SYTL3: variants seen among roughly 807,000 people sequenced by gnomAD.
The protein encoded by SYTL3 is synaptotagmin like 3, also known as synaptotagmin-like protein 3.
Under a neutral mutation model 82.1 loss-of-function variants are expected in SYTL3, and 88 were observed. That is an observed-to-expected ratio of 1.07 (90% CI 0.90 to 1.28). The LOEUF is 1.28. Ranked by LOEUF, SYTL3 falls within the 50% of genes most tolerant of loss-of-function variation. The pLI, the probability that SYTL3 is intolerant of heterozygous loss-of-function variation, is 0.00. For missense variants in SYTL3, 831 were observed against 757.6 expected, an observed-to-expected ratio of 1.10 and a Z score of -1.14; for synonymous variants, 311 against 289.4, an observed-to-expected ratio of 1.07 and a Z score of -0.76.
At chr6:158,723,729 T>C (rs888306450) in intron 10 of SYTL3, among the ~76,000 whole-genome samples, 6 of 152,234 alleles carry the variant, frequency 3.9e-5, no homozygotes, top group Non-Finnish European at 8.8e-5. Context: ...TTTCTTTAAC[T>C]GCAGGTAAGC....
chr6:158,651,389 G>A (rs148781109), intron 1 of SYTL3, among the ~76,000 whole-genome samples: 2,815 of 152,110 alleles, frequency 0.019, 87 homozygotes, highest in African/African-American at 0.063. Flanking sequence ...TCAAGAGATC[G>A]AGATCATCCT....
intron 15 of SYTL3, 113 bp downstream of exon 15, chr6:158,760,858 C>A: frequency 1.3e-6 from 1 of 776,040 alleles, no homozygotes; most frequent in Non-Finnish European, 2.2e-6. Flanking sequence ...TCTACGTCCC[C>A]GTGCCCAGCT....
At chr6:158,683,102 CTA>C (rs1778900759) in intron 6 of SYTL3, 113 bp downstream of exon 6, 1 of 714,670 alleles carries the variant, frequency 1.4e-6, no homozygotes, top group Non-Finnish European at 2.4e-6. Flanking sequence ...CTGCGGGCCC[CTA>C]TGTCTTGCCA....
At chr6:158,736,772 G>A (rs1341547152) in intron 11 of SYTL3, among the ~76,000 whole-genome samples, 2 of 141,520 alleles carry the variant, frequency 1.4e-5, no homozygotes, top group African/African-American at 2.7e-5. Flanking sequence ...TGGGCGACAA[G>A]AGCGAGACTC....
intron 11 of SYTL3, among the ~76,000 whole-genome samples, chr6:158,739,029 CCT>C (rs1786571675): frequency 1.3e-5 from 2 of 152,336 alleles, no homozygotes; most frequent in South Asian, 4.1e-4. Context: ...CACAGCCCTC[CCT>C]GTCTGGCTCC....
At chr6:158,760,301 G>A (rs922778411) in intron 14 of SYTL3, among the ~76,000 whole-genome samples, 2 of 152,180 alleles carry the variant, frequency 1.3e-5, no homozygotes, top group African/African-American at 4.8e-5. Context: ...GGAGGCTTGA[G>A]TTCATTTCTG....
intron 7 of SYTL3, among the ~76,000 whole-genome samples, chr6:158,708,021 C>T (rs1439394750): frequency 2.6e-5 from 4 of 152,150 alleles, no homozygotes; most frequent in Admixed American, 1.3e-4. Flanking sequence ...CCAGGGGTTT[C>T]CCCGCAGCCA....
chr6:158,656,737 A>G (rs1344507874), intron 2 of SYTL3, among the ~76,000 whole-genome samples: 1 of 151,946 alleles, frequency 6.6e-6, no homozygotes, highest in African/African-American at 2.4e-5. Flanking sequence ...AAAAAAAAAA[A>G]TCATCCACCT....
At chr6:158,749,776 C>G (rs1788165088) in intron 12 of SYTL3, among the ~76,000 whole-genome samples, 1 of 152,110 alleles carries the variant, frequency 6.6e-6, no homozygotes, top group Non-Finnish European at 1.5e-5. Flanking sequence ...GCATGAGCCA[C>G]CACACCTGGC....
At chr6:158,653,784 T>C (rs1340554264) in intron 2 of SYTL3, among the ~76,000 whole-genome samples, 4 of 152,238 alleles carry the variant, frequency 2.6e-5, no homozygotes, top group African/African-American at 9.6e-5. Flanking sequence ...GACAGTCACA[T>C]TCACACGCAC....
At chr6:158,655,060 T>G (rs944357751) in intron 2 of SYTL3, among the ~76,000 whole-genome samples, 3 of 152,158 alleles carry the variant, frequency 2.0e-5, no homozygotes, top group African/African-American at 7.2e-5. Flanking sequence ...AAGATCTTGT[T>G]GAGCAAATGA....
chr6:158,756,809 T>A (rs1789172474), intron 13 of SYTL3, among the ~76,000 whole-genome samples: 1 of 147,326 alleles, frequency 6.8e-6, no homozygotes, highest in Non-Finnish European at 1.5e-5. Flanking sequence ...AGTGTTTAGA[T>A]GCAAGTTCAA....
intron 10 of SYTL3, among the ~76,000 whole-genome samples, chr6:158,724,305 C>T (rs1784459366): frequency 6.6e-6 from 1 of 152,192 alleles, no homozygotes; most frequent in African/African-American, 2.4e-5. Flanking sequence ...AGTTGGCATT[C>T]TGGGGATGGA....
intron 13 of SYTL3, among the ~76,000 whole-genome samples, chr6:158,755,861 C>T (rs752326069): frequency 2.6e-5 from 4 of 152,206 alleles, no homozygotes; most frequent in African/African-American, 7.2e-5. Flanking sequence ...CAGCGAGACT[C>T]GGGCCTGGAC....
Position 158,665,596 on chromosome 6 carries a change from G to A in SYTL3, c.312G>A (p.Thr104=), listed in dbSNP as rs758303337. ...FLRGTHAWKC[T]VCFEDRNVKI... ...GGGGGACCCATGCCTGGAAGTGCAC[G>A]GTGTGCTTCGAGGACAGGTAAGCAT... The change falls in exon 5 of 18, where the codon ACG becomes ACA. Residue 104 remains threonine (T), a synonymous_variant. Coordinates refer to ENST00000611299, the MANE Select transcript of SYTL3 (RefSeq NM_001242394.2). 6 of 1,565,996 alleles carry A rather than the reference G, an allele frequency of 3.8e-6. No homozygotes were observed. Among genetic ancestry groups the A allele is most frequent in the East Asian group, 4.6e-5 (2 of 43,216 alleles).
intron 11 of SYTL3, among the ~76,000 whole-genome samples, chr6:158,738,358 C>T (rs1057187047): frequency 1.5e-4 from 23 of 152,330 alleles, no homozygotes; most frequent in African/African-American, 5.5e-4. Context: ...AGAAAAGAAT[C>T]AGTTTGAAAT....
chr6:158,709,585 G>A (rs947436377), intron 8 of SYTL3, among the ~76,000 whole-genome samples: 4 of 152,036 alleles, frequency 2.6e-5, no homozygotes, highest in African/African-American at 7.2e-5. Context: ...TTGGAAAACC[G>A]TAAAGTGCCA....
intron 14 of SYTL3, among the ~76,000 whole-genome samples, chr6:158,757,911 T>C (rs1789355668): frequency 2.0e-5 from 3 of 152,170 alleles, no homozygotes; most frequent in Admixed American, 1.3e-4. Flanking sequence ...GGTTTGGAAT[T>C]GCACGGCGGG....
At chr6:158,702,883 A>G (rs1301624175) in intron 6 of SYTL3, among the ~76,000 whole-genome samples, 5 of 151,826 alleles carry the variant, frequency 3.3e-5, no homozygotes, top group Non-Finnish European at 7.4e-5. Flanking sequence ...GGCCTGGCAC[A>G]GTGGCTCACG....
Sources: gnomAD v4.1 joint callset for allele counts (sites outside exome capture counted in the v4.1 genomes callset) on GRCh38, gnomAD v4.1.1 for gene constraint, MANE v1.5 for transcripts, NCBI Gene and HGNC (gene_info 2026-07-23, HGNC 2026-07-21) for gene names.